The following OSBPL9 variants were observed in gnomAD, a reference collection of about 807,000 sequenced individuals.
OSBPL9 encodes the protein oxysterol binding protein like 9, also known as oxysterol-binding protein-related protein 9.
In OSBPL9, 40 loss-of-function variants were observed where a neutral mutation model predicts 106.6. That is an observed-to-expected ratio of 0.38 (90% CI 0.29 to 0.49). OSBPL9 has a LOEUF of 0.49. Among genes scored for constraint, OSBPL9 ranks in the 20% least tolerant of loss-of-function variants. The pLI is 0.97. For missense variants in OSBPL9, 609 were observed against 887.2 expected, an observed-to-expected ratio of 0.69 and a Z score of 3.98; for synonymous variants, 269 against 295.4, an observed-to-expected ratio of 0.91 and a Z score of 0.92.
In OSBPL9 at chr1:51,789,063, A is replaced by G; in HGVS notation, c.*1274A>G. The G allele has an allele frequency of 2.9e-6, 2 of 679,496 alleles. No individual in the cohort carries two copies. The highest frequency in any genetic ancestry group is 2.5e-6 in the Non-Finnish European group (1 of 402,540). 42.1% of individuals were successfully genotyped at this position (679,496 alleles called of 1,614,324 possible). ...CTAATTTTCCTTTGCCAGCTCCTAC[A>G]GTAACCCTGGGTTTATTAGTCTCAA... is the stretch of plus-strand genomic sequence containing the variant. On this transcript the variant is annotated 3_prime_UTR_variant, in exon 24 of 24. Transcript: ENST00000428468.
chr1:51,783,156 T>A (rs1676785767), intron 17 of OSBPL9, among the ~76,000 whole-genome samples: 2 of 152,078 alleles, frequency 1.3e-5, no homozygotes, highest in South Asian at 4.1e-4. Flanking sequence ...TTTCACTATT[T>A]ATTTGTATTA....
Position 51,789,044 on chromosome 1 carries a change from T to A in OSBPL9, c.*1255T>A. On this transcript the variant is annotated 3_prime_UTR_variant, in exon 24 of 24. Transcript: ENST00000428468. Reference sequence around the variant, plus strand: ...TCTCGCTTGGCCCATTCTGCTAATTTTCCTTTGCCAGCTCCTACAGTAACC... The same window carrying A: ...TCTCGCTTGGCCCATTCTGCTAATTATCCTTTGCCAGCTCCTACAGTAACC... The A allele has an allele frequency of 3.2e-6, 2 of 631,570 alleles. No homozygotes were observed. The allele number at this position is 631,570 out of a possible 1,614,324, so 39.1% of individuals were successfully genotyped here.
chr1:51,600,280 C>G (rs958021099), intron 2 of OSBPL9, among the ~76,000 whole-genome samples: 1 of 152,306 alleles, frequency 6.6e-6, no homozygotes, highest in South Asian at 2.1e-4. Flanking sequence ...TAGTTATCCT[C>G]TAGATATGTC....
At chr1:51,559,104 C>T in the OSBPL9 span, among the ~76,000 whole-genome samples, 1 of 152,148 alleles carries the variant, frequency 6.6e-6, no homozygotes, top group East Asian at 1.9e-4. Context: ...AGTTGACCAT[C>T]TTACTAGGCT....
intron 3 of OSBPL9, among the ~76,000 whole-genome samples, chr1:51,713,311 G>C (rs949704499): frequency 6.6e-6 from 1 of 151,886 alleles, no homozygotes; most frequent in African/African-American, 2.4e-5. Context: ...CACCATGCCT[G>C]GCTAATTTTT....
At position 51,781,233 on chromosome 1, in the gene OSBPL9, T is replaced by C; in HGVS notation, c.1326T>C (p.His442=). 6.2e-7 allele frequency: 1 copy of C among 1,614,114 alleles called. No homozygotes were observed. Among genetic ancestry groups the C allele is most frequent in the African/African-American group, 1.3e-5 (1 of 75,026 alleles). Residue 442 remains histidine (H), a synonymous_variant, in exon 16 of 24, where the codon CAT becomes CAC. Transcript: ENST00000428468. ...QVVKWYLSAF[H]AGRKGSVAKK... ...TGAAATGGTACCTCTCAGCCTTTCA[T>C]GCGGGAAGGAAAGGATCAGTTGCCA... is the stretch of plus-strand genomic sequence containing the variant.
At chr1:51,641,768 C>T (rs1645806966) in intron 1 of OSBPL9, among the ~76,000 whole-genome samples, 1 of 152,124 alleles carries the variant, frequency 6.6e-6, no homozygotes, top group South Asian at 2.1e-4. Context: ...TGTTTCTCAG[C>T]TTCCTGGGAG....
intron 2 of OSBPL9, among the ~76,000 whole-genome samples, chr1:51,662,548 G>A (rs1647284469): frequency 6.6e-6 from 1 of 152,084 alleles, no homozygotes; most frequent in Admixed American, 6.6e-5. Context: ...GTTGTTGGGA[G>A]TCCTAGCCAA....
chr1:51,630,614 G>C (rs1403939365), intron 1 of OSBPL9, among the ~76,000 whole-genome samples: 1 of 152,320 alleles, frequency 6.6e-6, no homozygotes, highest in Admixed American at 6.5e-5. Flanking sequence ...AGTGGTGAGT[G>C]AATGTGAAGG....
At chr1:51,740,327 A>G in intron 4 of OSBPL9, 1 of 1,230,638 alleles carries the variant, frequency 8.1e-7, no homozygotes, top group Non-Finnish European at 1.1e-6. Context: ...ATATTCTCAT[A>G]TTTTAATCAA....
At chr1:51,612,738 A>G (rs897038211), upstream of OSBPL9, among the ~76,000 whole-genome samples, 5 of 152,240 alleles carry the variant, frequency 3.3e-5, no homozygotes, top group African/African-American at 1.2e-4. Flanking sequence ...TTAGAAGTTG[A>G]TGATGTTGCC....
intron 3 of OSBPL9, among the ~76,000 whole-genome samples, chr1:51,687,001 A>G (rs1571078120): frequency 6.6e-6 from 1 of 152,222 alleles, no homozygotes; most frequent in African/African-American, 2.4e-5. Context: ...GTGTTGTGAG[A>G]TTAGAGAAAT....
rs760639743 is a variant in OSBPL9, at chr1:51,784,589, A to AT, written c.1829+13dup. ...GAATTACTGCCGAGATTTTGTAGGT[A>AT]TTTTTTCTGCCTTAGAGCTCTTATG... On this transcript the variant is annotated splice_region_variant and intron_variant, in intron 20 of 23. Transcript: ENST00000428468. The AT allele has an allele frequency of 1.7e-5, 28 of 1,613,576 alleles. No individual in the cohort carries two copies. Among genetic ancestry groups the AT allele is most frequent in the East Asian group, 2.2e-5 (1 of 44,878 alleles).
intron 1 of OSBPL9, among the ~76,000 whole-genome samples, chr1:51,631,794 GC>G (rs1180844661): frequency 6.6e-6 from 1 of 152,174 alleles, no homozygotes; most frequent in Non-Finnish European, 1.5e-5. Context: ...AGAAATAATT[GC>G]AGCTTGAAAG....
chr1:51,584,139 A>G (rs921884270), intron 1 of OSBPL9, among the ~76,000 whole-genome samples: 3 of 152,040 alleles, frequency 2.0e-5, no homozygotes, highest in Admixed American at 2.0e-4. Context: ...TACAGGTGCA[A>G]GCCACTGTGC....
At chr1:51,670,236 G>A (rs1204081884) in intron 3 of OSBPL9, among the ~76,000 whole-genome samples, 1 of 152,170 alleles carries the variant, frequency 6.6e-6, no homozygotes, top group East Asian at 1.9e-4. Flanking sequence ...AGGAGTGACT[G>A]TTAGTTTTAG....
In OSBPL9 at chr1:51,787,842, G is replaced by T. The variant is rs2149173542; in HGVS notation, c.*53G>T. ...TGATCAGGGCAGTAGGCATAATTCA[G>T]CAACAAACAATCTTCCTTTGGGAGA... is the stretch of plus-strand genomic sequence containing the variant. On this transcript the variant is annotated 3_prime_UTR_variant, in exon 24 of 24. Transcript: ENST00000428468. 6.9e-7 allele frequency: 1 copy of T among 1,457,628 alleles called. No individual in the cohort carries two copies. The highest frequency in any genetic ancestry group is 1.4e-5 in the African/African-American group (1 of 71,682). 90.3% of individuals were successfully genotyped at this position (1,457,628 alleles called of 1,614,324 possible). A position where few individuals can be genotyped will look rare whatever the true frequency, so the allele number is the denominator to read the frequency against.
At chr1:51,535,112 A>C in the OSBPL9 span, among the ~76,000 whole-genome samples, 1 of 152,212 alleles carries the variant, frequency 6.6e-6, no homozygotes, top group Non-Finnish European at 1.5e-5. Flanking sequence ...AGGGTAAATC[A>C]TGTGAAGGCC....
At chr1:51,728,863 C>G (rs759465796) in intron 4 of OSBPL9, among the ~76,000 whole-genome samples, 2 of 152,092 alleles carry the variant, frequency 1.3e-5, no homozygotes, top group African/African-American at 2.4e-5. Context: ...TGTGCTAGGT[C>G]TTGCAGTGGG....
Sources: gnomAD v4.1 joint callset for allele counts (sites outside exome capture counted in the v4.1 genomes callset) on GRCh38, gnomAD v4.1.1 for gene constraint, MANE v1.5 for transcripts, NCBI Gene and HGNC (gene_info 2026-07-23, HGNC 2026-07-21) for gene names.